Variants in TM9SF2 observed in about 807,000 individuals in gnomAD.
TM9SF2 encodes the protein 76 kDa membrane protein.
A neutral mutation model predicts 84.9 loss-of-function variants in TM9SF2; 13 were observed. The ratio of observed to expected loss-of-function variants is 0.15; its 90% CI spans 0.10 to 0.24. TM9SF2 has a LOEUF of 0.24. Ranked by LOEUF, TM9SF2 falls within the 10% of genes least tolerant of loss-of-function variation. The pLI, the probability that TM9SF2 is intolerant of heterozygous loss-of-function variation, is 1.00. For missense variants in TM9SF2, 562 were observed against 818.5 expected (o/e 0.69, Z 3.82); for synonymous variants, 273 against 285.8 (o/e 0.96, Z 0.45).
At chr13:99,510,332 CA>C (rs1192232870) in intron 1 of TM9SF2, among the ~76,000 whole-genome samples, 2 of 152,210 alleles carry the variant, frequency 1.3e-5, no homozygotes, top group Non-Finnish European at 2.9e-5. Context: ...ACCAGTTCCA[CA>C]TTTTCAGGTA....
At chr13:99,560,137 G>C (rs897473386) in intron 16 of TM9SF2, among the ~76,000 whole-genome samples, 1 of 152,182 alleles carries the variant, frequency 6.6e-6, no homozygotes, top group African/African-American at 2.4e-5. Flanking sequence ...TTTGTCGCGT[G>C]AGTGACTGAA....
At chr13:99,503,624 C>T (rs1594041914) in intron 1 of TM9SF2, among the ~76,000 whole-genome samples, 2 of 149,574 alleles carry the variant, frequency 1.3e-5, no homozygotes, top group East Asian at 2.0e-4. Context: ...CAGGAAGAAT[C>T]GCTTGAACTC....
intron 1 of TM9SF2, among the ~76,000 whole-genome samples, chr13:99,516,157 G>A (rs12429547): frequency 0.016 from 2,360 of 152,256 alleles, 103 homozygotes; most frequent in East Asian, 0.078. Context: ...TGATGGCCCC[G>A]GGATTTGAAC....
chr13:99,516,393 T>C (rs970130704), intron 1 of TM9SF2, among the ~76,000 whole-genome samples: 1 of 152,228 alleles, frequency 6.6e-6, no homozygotes, highest in Non-Finnish European at 1.5e-5. Flanking sequence ...CCAAAGGCAG[T>C]GTACAGCTCT....
chr13:99,505,891 T>C (rs1248158398), intron 1 of TM9SF2, among the ~76,000 whole-genome samples: 3 of 152,202 alleles, frequency 2.0e-5, no homozygotes, highest in African/African-American at 7.2e-5. Context: ...GAACTAAAAA[T>C]AGTATTAATT....
intron 4 of TM9SF2, among the ~76,000 whole-genome samples, chr13:99,533,614 TTAA>T (rs764472746): frequency 6.6e-6 from 1 of 152,238 alleles, no homozygotes; most frequent in Non-Finnish European, 1.5e-5. Flanking sequence ...TAAAGAACAG[TTAA>T]TAATAGTTTC....
chr13:99,530,881 G>A (rs545707941), intron 4 of TM9SF2, among the ~76,000 whole-genome samples: 1 of 149,348 alleles, frequency 6.7e-6, no homozygotes, highest in Non-Finnish European at 1.5e-5. Context: ...TTTTTTCTGA[G>A]ATGGAGTCTC....
In TM9SF2 at chr13:99,541,630, A is replaced by T. The variant is rs1256572353; in HGVS notation, c.980A>T (p.His327Leu). 1 of 1,613,048 alleles carries T rather than the reference A, an allele frequency of 6.2e-7. No individual in the cohort carries two copies. The highest frequency in any genetic ancestry group is 2.2e-5 in the East Asian group (1 of 44,748). Residue 327 changes from histidine to leucine, a missense_variant, in exon 9 of 17, where the codon CAC becomes CTC. Physicochemically the swap from His to Leu is moderately conservative, Grantham distance 99 (BLOSUM62 -3). Coordinates refer to ENST00000376387, the MANE Select transcript of TM9SF2 (RefSeq NM_004800.3). ...MVAMIMLRTL[H>L]KDIARYNQMD... ...GCTATGATTATGTTACGGACACTGCACAAAGATATTGCTAGATATAATCAG... is the reference window on the plus strand; with the variant it reads ...GCTATGATTATGTTACGGACACTGCTCAAAGATATTGCTAGATATAATCAG...
chr13:99,524,794 C>T (rs543921627), intron 3 of TM9SF2, among the ~76,000 whole-genome samples: 7 of 151,976 alleles, frequency 4.6e-5, no homozygotes, highest in Admixed American at 1.3e-4. Context: ...AACTCCTGAC[C>T]TTAAGAGATC....
At chr13:99,551,798 C>A (rs1159170203) in intron 12 of TM9SF2, among the ~76,000 whole-genome samples, 2 of 152,034 alleles carry the variant, frequency 1.3e-5, no homozygotes, top group Non-Finnish European at 2.9e-5. Flanking sequence ...AAATGAAAAC[C>A]AAGCAGTGGA....
chr13:99,556,501 T>C (rs545514420), intron 15 of TM9SF2, among the ~76,000 whole-genome samples: 4 of 152,290 alleles, frequency 2.6e-5, no homozygotes, highest in African/African-American at 9.6e-5. Flanking sequence ...TGTGACCTTT[T>C]GTGTGTGGCT....
intron 6 of TM9SF2, among the ~76,000 whole-genome samples, chr13:99,538,440 TC>T (rs2046243914): frequency 1.3e-5 from 2 of 152,136 alleles, no homozygotes; most frequent in Non-Finnish European, 2.9e-5. Context: ...GCACTGGTGG[TC>T]AAGAAATACA....
chr13:99,502,843 A>G (rs756676043), intron 1 of TM9SF2, among the ~76,000 whole-genome samples: 2 of 152,212 alleles, frequency 1.3e-5, no homozygotes, highest in Non-Finnish European at 2.9e-5. Flanking sequence ...TGTTTATTAC[A>G]GTTAGCTTTA....
chr13:99,540,828 A>G (rs1441011793), intron 8 of TM9SF2, 35 bp downstream of exon 8: 1 of 1,545,548 alleles, frequency 6.5e-7, no homozygotes, highest in East Asian at 2.2e-5. Flanking sequence ...TTTGCTTTCT[A>G]CTTTTCTACC....
At chr13:99,525,235 CTGTTTGTTTGTT>C (rs35767318) in intron 3 of TM9SF2, among the ~76,000 whole-genome samples, 19 of 151,580 alleles carry the variant, frequency 1.3e-4, no homozygotes, top group African/African-American at 4.4e-4. Flanking sequence ...TCAAAGAGGA[CTGTTTGTTTGTT>C]TGTTTGTTTG....
intron 1 of TM9SF2, among the ~76,000 whole-genome samples, chr13:99,503,709 C>CAAAAAAAAAAAA (rs386380419): frequency 1.3e-5 from 1 of 78,496 alleles, no homozygotes; most frequent in African/African-American, 5.1e-5. Context: ...GACTTTGTCT[C>CAAAAAAAAAAAA]AAAAAAAAAA....
chr13:99,506,074 TACTC>T (rs887925395), intron 1 of TM9SF2, among the ~76,000 whole-genome samples: 11 of 152,194 alleles, frequency 7.2e-5, no homozygotes, highest in East Asian at 1.9e-4. Flanking sequence ...AAAGGAAAAT[TACTC>T]AGTCATACTT....
At chr13:99,529,286 AAC>A in intron 3 of TM9SF2, among the ~76,000 whole-genome samples, 179 bp from the exon 4 acceptor site, 1 of 152,344 alleles carries the variant, frequency 6.6e-6, no homozygotes, top group South Asian at 2.1e-4. Flanking sequence ...TCTTTAGAGA[AAC>A]ACAGTAGGAT....
chr13:99,556,089 A>G (rs1289183910), intron 15 of TM9SF2, among the ~76,000 whole-genome samples: 1 of 152,214 alleles, frequency 6.6e-6, no homozygotes, highest in African/African-American at 2.4e-5. Context: ...AATGAGTTCT[A>G]TTCATGGCAG....
Sources: gnomAD v4.1 joint callset for allele counts (sites outside exome capture counted in the v4.1 genomes callset) on GRCh38, gnomAD v4.1.1 for gene constraint, MANE v1.5 for transcripts, NCBI Gene and HGNC (gene_info 2026-07-23, HGNC 2026-07-21) for gene names.